ERC2: variants seen among roughly 807,000 people sequenced by gnomAD.
The protein encoded by ERC2 is ERC protein 2.
Under a neutral mutation model 114.8 loss-of-function variants are expected in ERC2, and 42 were observed. The observed-to-expected ratio is 0.37, with a 90% CI of 0.29 to 0.47. The LOEUF is 0.47. Ranked by LOEUF, ERC2 falls within the 20% of genes least tolerant of loss-of-function variation. The pLI, the probability that ERC2 is intolerant of heterozygous loss-of-function variation, is 0.99. For synonymous variants in ERC2, 454 were observed against 425.5 expected (o/e 1.07, Z -0.82); for missense variants, 939 against 1,150.7 (o/e 0.82, Z 2.66).
At chr3:56,288,019 T>C (rs1370874199) in intron 3 of ERC2, among the ~76,000 whole-genome samples, 1 of 152,144 alleles carries the variant, frequency 6.6e-6, no homozygotes, top group African/African-American at 2.4e-5. Flanking sequence ...TCTGAGGAAA[T>C]AGTTAAAACG....
intron 13 of ERC2, among the ~76,000 whole-genome samples, chr3:55,920,592 T>A (rs1038992041): frequency 3.3e-5 from 5 of 152,110 alleles, no homozygotes; most frequent in African/African-American, 1.2e-4. Flanking sequence ...AATCCATATC[T>A]TGTTATCTTA....
intron 14 of ERC2, among the ~76,000 whole-genome samples, chr3:55,742,829 A>G (rs1055088613): frequency 2.0e-5 from 3 of 152,208 alleles, no homozygotes; most frequent in Non-Finnish European, 4.4e-5. Flanking sequence ...TTCAAATGGC[A>G]TCTTGAGAAA....
Position 56,182,460 on chromosome 3 carries a change from G to C in ERC2, c.1075-8940C>G, listed in dbSNP as rs977634179. On this transcript the variant is annotated intron_variant, in intron 3 of 17. Transcript: ENST00000288221. ...TCGACCAAAAGGAGTCTGCTGTGAA[G>C]GATGATAATAACTAACAGTTACTTA... Among the ~76,000 whole-genome samples the C allele has an allele frequency of 5.3e-5, 8 of 152,198 alleles. No homozygotes were observed. The East Asian group carries it at 1.3e-3, about 26-fold the overall frequency.
chr3:56,007,253 T>C lies in ERC2; in HGVS notation c.1989A>G (p.Lys663=), dbSNP rs1338176337. The C allele has an allele frequency of 1.3e-6, 2 of 1,591,164 alleles. No individual in the cohort carries two copies. The highest frequency in any genetic ancestry group is 1.7e-6 in the Non-Finnish European group (2 of 1,167,450). The change falls in exon 10 of 18, where the codon AAA becomes AAG. Residue 663 remains lysine, a synonymous_variant. Coordinates refer to ENST00000288221, the MANE Select transcript of ERC2 (RefSeq NM_015576.3). ...LASAGLKRDS[K]LKSLEIAIEQ... ...CAATGGCTATTTCTAGAGATTTTAA[T>C]TTGGAATCCCTTTTCAGCCCCGCAG...
intron 14 of ERC2, among the ~76,000 whole-genome samples, chr3:55,737,312 G>A (rs1240316991): frequency 1.3e-5 from 2 of 152,184 alleles, no homozygotes; most frequent in Admixed American, 6.5e-5. Flanking sequence ...AAGCAGTGCA[G>A]GCTGGACTAC....
intron 17 of ERC2, among the ~76,000 whole-genome samples, chr3:55,529,682 T>G (rs1230568613): frequency 6.6e-6 from 1 of 152,194 alleles, no homozygotes; most frequent in Non-Finnish European, 1.5e-5. Flanking sequence ...ACGTGAATAA[T>G]CACCATAATC....
At chr3:55,948,205 C>T (rs780233014) in intron 13 of ERC2, among the ~76,000 whole-genome samples, 3 of 152,196 alleles carry the variant, frequency 2.0e-5, no homozygotes, top group Non-Finnish European at 4.4e-5. Flanking sequence ...GTAGGCAATA[C>T]TCTACATGAT....
intron 2 of ERC2, among the ~76,000 whole-genome samples, chr3:56,409,097 C>A (rs1161237527): frequency 1.3e-5 from 2 of 152,214 alleles, no homozygotes; most frequent in African/African-American, 4.8e-5. Flanking sequence ...CGTGAGGCAC[C>A]ATGCCTGCTC....
chr3:55,605,011 C>T (rs1043084893), intron 17 of ERC2, among the ~76,000 whole-genome samples: 4 of 152,080 alleles, frequency 2.6e-5, no homozygotes, highest in Admixed American at 6.6e-5. Context: ...CCAGGTGATG[C>T]GAGGATGCCA....
chr3:56,010,241 C>A (rs2072810237), intron 9 of ERC2, among the ~76,000 whole-genome samples: 1 of 151,698 alleles, frequency 6.6e-6, no homozygotes, highest in Non-Finnish European at 1.5e-5. Flanking sequence ...GTTAGCAGAG[C>A]AGAGAAGATA....
At chr3:55,796,098 A>T (rs1214798092) in intron 14 of ERC2, among the ~76,000 whole-genome samples, 1 of 152,250 alleles carries the variant, frequency 6.6e-6, no homozygotes, top group Non-Finnish European at 1.5e-5. Flanking sequence ...GGTAGAAAGA[A>T]ATCAAGGCAG....
chr3:55,532,235 A>T (rs1013923168), intron 17 of ERC2, among the ~76,000 whole-genome samples: 2 of 152,216 alleles, frequency 1.3e-5, no homozygotes, highest in East Asian at 3.9e-4. Context: ...CAGCTTTAAC[A>T]TGAACACAGA....
At chr3:56,099,845 T>C (rs2078257583) in intron 6 of ERC2, among the ~76,000 whole-genome samples, 1 of 152,186 alleles carries the variant, frequency 6.6e-6, no homozygotes, top group South Asian at 2.1e-4. Context: ...ACAGACTTTC[T>C]ACTCCTGACC....
intron 14 of ERC2, among the ~76,000 whole-genome samples, chr3:55,805,363 C>G (rs1407771349): frequency 6.6e-6 from 1 of 151,804 alleles, no homozygotes; most frequent in African/African-American, 2.4e-5. Context: ...TGACATAGAG[C>G]AGATGTTCAA....
chr3:56,454,907 A>C, intron 1 of ERC2, among the ~76,000 whole-genome samples: 1 of 151,980 alleles, frequency 6.6e-6, no homozygotes, highest in East Asian at 1.9e-4. Flanking sequence ...ACGTGCTACA[A>C]CATGAACTTT....
Position 55,875,341 on chromosome 3 carries a change from G to A in ERC2, c.2564+13048C>T, listed in dbSNP as rs375942632. 2.4e-4 allele frequency among the ~76,000 whole-genome samples: 36 copies of A among 152,308 alleles called. 1 individual carries two copies. Among genetic ancestry groups the A allele is most frequent in the East Asian group, 2.3e-3 (12 of 5,182 alleles). The stretch of plus-strand genomic sequence containing the variant: ...GTTATCATAACTGCATGCTGGCACT[G>A]GCTGCAGTGCACTCTGCAAATGTCT... On this transcript the variant is annotated intron_variant, in intron 14 of 17. Transcript: ENST00000288221.
chr3:56,181,297 G>A (rs2083272679), intron 3 of ERC2, among the ~76,000 whole-genome samples: 1 of 152,058 alleles, frequency 6.6e-6, no homozygotes, highest in South Asian at 2.1e-4. Flanking sequence ...ATTCCCTTTT[G>A]TCTACAGAGG....
intron 2 of ERC2, among the ~76,000 whole-genome samples, chr3:56,407,867 C>G (rs1040865254): frequency 6.6e-6 from 1 of 152,148 alleles, no homozygotes; most frequent in African/African-American, 2.4e-5. Context: ...ACTTCAGATG[C>G]ACACACTATT....
chr3:56,143,862 T>A (rs573613822), intron 5 of ERC2, among the ~76,000 whole-genome samples: 1 of 152,210 alleles, frequency 6.6e-6, no homozygotes, highest in Non-Finnish European at 1.5e-5. Flanking sequence ...AAAACTGACA[T>A]AAACAATAAC....
Sources: gnomAD v4.1 joint callset for allele counts (sites outside exome capture counted in the v4.1 genomes callset) on GRCh38, gnomAD v4.1.1 for gene constraint, MANE v1.5 for transcripts, NCBI Gene and HGNC (gene_info 2026-07-23, HGNC 2026-07-21) for gene names.